Variants in UBE2U observed in about 807,000 individuals in gnomAD.
UBE2U encodes ubiquitin conjugating enzyme E2 U, also known as ubiquitin-conjugating enzyme E2 U.
A neutral mutation model predicts 41.2 loss-of-function variants in UBE2U; 39 were observed. That is an observed-to-expected ratio of 0.95 (90% confidence interval 0.73 to 1.24). The LOEUF is 1.24. UBE2U is among the 50% of genes most tolerant of loss of function. The probability of loss-of-function intolerance (pLI) is 0.00; values close to 1 mark genes in which losing one functional copy is unlikely to be tolerated. For missense variants in UBE2U, 336 were observed against 363.1 expected (o/e 0.93, Z 0.61); for synonymous variants, 107 against 117.8 (o/e 0.91, Z 0.60).
At chr1:64,206,878 T>C in intron 3 of UBE2U, 22 bp downstream of exon 3, 1 of 1,363,010 alleles carries the variant, frequency 7.3e-7, no homozygotes, top group Admixed American at 1.7e-5. Flanking sequence ...ATGACATTTT[T>C]ATCATTAGAG....
chr1:64,207,160 G>GT (rs570517830), intron 3 of UBE2U, among the ~76,000 whole-genome samples: 13 of 151,860 alleles, frequency 8.6e-5, no homozygotes, highest in Middle Eastern at 3.4e-3. Context: ...ATTTTATGGT[G>GT]TTTTTTTTGA....
intron 8 of UBE2U, among the ~76,000 whole-genome samples, chr1:64,248,597 A>G (rs956023261): frequency 3.3e-4 from 50 of 151,260 alleles, no homozygotes; most frequent in African/African-American, 1.2e-3. Flanking sequence ...ATATTATGAC[A>G]TTTTACTTCA....
At chr1:64,217,379 C>G (rs1486024845) in intron 5 of UBE2U, among the ~76,000 whole-genome samples, 1 of 152,178 alleles carries the variant, frequency 6.6e-6, no homozygotes, top group African/African-American at 2.4e-5. Context: ...CAATGTATAA[C>G]AACTGTTTGC....
At chr1:64,236,057 CA>C (rs1644661843) in intron 7 of UBE2U, among the ~76,000 whole-genome samples, 1 of 152,134 alleles carries the variant, frequency 6.6e-6, no homozygotes, top group Non-Finnish European at 1.5e-5. Context: ...ACCAGAGTTT[CA>C]TCCTGGGTCT....
chr1:64,245,574 C>G (rs1383025394), intron 8 of UBE2U, among the ~76,000 whole-genome samples: 1 of 152,152 alleles, frequency 6.6e-6, no homozygotes, highest in Non-Finnish European at 1.5e-5. Flanking sequence ...GGAACCGGAA[C>G]TAACATGGCT....
intron 6 of UBE2U, 33 bp from the exon 7 acceptor site, chr1:64,232,528 T>C (rs757601085): frequency 1.3e-6 from 2 of 1,525,700 alleles, no homozygotes; most frequent in African/African-American, 1.4e-5. Flanking sequence ...ATTTACAAAC[T>C]GCCCATCGTC....
At chr1:64,233,891 C>T (rs1168096137) in intron 7 of UBE2U, among the ~76,000 whole-genome samples, 3 of 152,164 alleles carry the variant, frequency 2.0e-5, no homozygotes, top group Non-Finnish European at 4.4e-5. Flanking sequence ...GCAGTGATTA[C>T]GTTTTAGTCC....
chr1:64,221,979 C>T (rs111466278), intron 6 of UBE2U, among the ~76,000 whole-genome samples: 36 of 148,488 alleles, frequency 2.4e-4, no homozygotes, highest in African/African-American at 4.0e-4. Context: ...CCCAGCTACT[C>T]GGGAGGCTGA....
At chr1:64,207,644 T>C (rs188567022) in intron 3 of UBE2U, among the ~76,000 whole-genome samples, 1 of 152,306 alleles carries the variant, frequency 6.6e-6, no homozygotes, top group East Asian at 1.9e-4. Flanking sequence ...GTTAGATTGC[T>C]ACTTAAAGTT....
chr1:64,244,373 A>T (rs939146793), intron 8 of UBE2U: 14 of 642,028 alleles, frequency 2.2e-5, no homozygotes, highest in Non-Finnish European at 2.7e-5. Context: ...CATATATAAA[A>T]TAAAAATTAA....
At position 64,214,888 on chromosome 1, in the gene UBE2U, C is replaced by A; in HGVS notation, c.413C>A (p.Ser138Tyr). The A allele has an allele frequency of 6.2e-7, 1 of 1,614,172 alleles. No homozygotes were observed. The highest frequency in any genetic ancestry group is 8.5e-7 in the Non-Finnish European group (1 of 1,179,996). ...GCCAGAATACTGGTTAAAGATGAAT[C>A]TCTGTACAGAACAATTCTAAGACTT... ...EAARILVKDESLYRTILRLFN... is the reference protein window; with the variant it reads ...EAARILVKDEYLYRTILRLFN... The change falls in exon 5 of 10, where the codon TCT becomes TAT. Residue 138 changes from serine (S) to tyrosine (Y), a missense_variant. Coordinates refer to ENST00000371077, the MANE Select transcript of UBE2U (RefSeq NM_001366232.2).
intron 7 of UBE2U, among the ~76,000 whole-genome samples, chr1:64,240,549 T>C (rs1430978407): frequency 6.6e-6 from 1 of 152,172 alleles, no homozygotes; most frequent in Non-Finnish European, 1.5e-5. Context: ...TTGCAAGTAA[T>C]TCATTCAGAA....
At chr1:64,228,712 CAG>C (rs1557719449) in intron 6 of UBE2U, among the ~76,000 whole-genome samples, 2 of 112,504 alleles carry the variant, frequency 1.8e-5, no homozygotes, top group Non-Finnish European at 3.4e-5. Flanking sequence ...TTTTTTAAGA[CAG>C]AGTCTTGCTC....
At chr1:64,210,596 G>C in intron 3 of UBE2U, 146 bp from the exon 4 acceptor site, 1 of 494,982 alleles carries the variant, frequency 2.0e-6, no homozygotes, top group Non-Finnish European at 3.4e-6. Context: ...CCAGGGATGG[G>C]TATAGTGCTT....
At position 64,232,572 on chromosome 1, in the gene UBE2U, C is replaced by T. The variant is rs1264426986; in HGVS notation, c.518C>T (p.Thr173Ile). The T allele has an allele frequency of 3.7e-6, 6 of 1,611,792 alleles. No individual in the cohort carries two copies. The highest frequency in any genetic ancestry group is 1.1e-5 in the South Asian group (1 of 90,546). ...DPRKCIRPIK[T>I]TSFSDYYQTW... ...ATTTATATTTTCAGACCAATTAAAA[C>T]AACCTCATTTAGTGATTACTACCAG... Residue 173 changes from threonine (T) to isoleucine (I), a missense_variant, in exon 7 of 10, where the codon ACA (threonine) becomes ATA (isoleucine). Thr to Ile is a moderately conservative substitution (Grantham distance 89). Transcript: ENST00000371077.
At chr1:64,246,429 T>G (rs2100485606) in intron 8 of UBE2U, among the ~76,000 whole-genome samples, 1 of 152,344 alleles carries the variant, frequency 6.6e-6, no homozygotes, top group East Asian at 1.9e-4. Context: ...GGTTATTGAA[T>G]TTAAACATGT....
At chr1:64,218,415 TA>T (rs1652181317) in intron 5 of UBE2U, among the ~76,000 whole-genome samples, 1 of 152,348 alleles carries the variant, frequency 6.6e-6, no homozygotes, top group East Asian at 1.9e-4. Context: ...CGAGAAATGT[TA>T]AATATTTATT....
At position 64,206,764 on chromosome 1, in the gene UBE2U, GT is replaced by G; in HGVS notation, c.152del (p.Leu51Ter). On this transcript the variant is annotated frameshift_variant and splice_region_variant, in exon 3 of 10. Transcript: ENST00000371077. LOFTEE classifies it high-confidence loss of function. ...IEGLQNSVWQ[G>X]LVFQLTIHFT... ...AAAAATGTTTATTTCTATATTATAGGTTTAGTCTTCCAACTGACAATACATT... is the reference window on the plus strand; with the variant it reads ...AAAAATGTTTATTTCTATATTATAGGTTAGTCTTCCAACTGACAATACATT... The G allele has an allele frequency of 6.4e-7, 1 of 1,564,658 alleles. No homozygotes were observed. The highest frequency in any genetic ancestry group is 8.8e-7 in the Non-Finnish European group (1 of 1,140,264).
chr1:64,214,760 T>C, intron 4 of UBE2U, 55 bp from the exon 5 acceptor site: 1 of 1,403,872 alleles, frequency 7.1e-7, no homozygotes, highest in Non-Finnish European at 1.0e-6. Flanking sequence ...GTTTGTCGTT[T>C]TGCTCTAAAA....
Sources: allele counts gnomAD v4.1 joint callset (sites outside exome capture counted in the v4.1 genomes callset), GRCh38; gene constraint gnomAD v4.1.1; transcripts MANE v1.5; gene names NCBI Gene and HGNC (gene_info 2026-07-23, HGNC 2026-07-21).